The following LRRC1 variants were observed in gnomAD, a reference collection of about 807,000 sequenced individuals.
LRRC1 encodes leucine-rich repeat-containing protein 1.
LRRC1 carries 28 observed loss-of-function variants against 69.9 expected under a neutral mutation model. The observed-to-expected ratio is 0.40, with a 90% confidence interval of 0.30 to 0.55. The LOEUF (loss-of-function observed/expected upper bound fraction) is 0.55, where lower values mean the gene tolerates loss of function less well. Among genes scored for constraint, LRRC1 ranks in the 20% least tolerant of loss-of-function variants. The probability of loss-of-function intolerance (pLI) is 0.47; values close to 1 mark genes in which losing one functional copy is unlikely to be tolerated. For synonymous variants in LRRC1, 236 were observed against 240.2 expected (o/e 0.98, Z 0.16); for missense variants, 498 against 609.0 (o/e 0.82, Z 1.92).
intron 1 of LRRC1, among the ~76,000 whole-genome samples, chr6:53,811,199 T>C (rs560580438): frequency 6.6e-6 from 1 of 152,344 alleles, no homozygotes; most frequent in African/African-American, 2.4e-5. Flanking sequence ...TAGTGAGTTA[T>C]TCTGAGGGCC....
intron 1 of LRRC1, among the ~76,000 whole-genome samples, chr6:53,805,010 C>A (rs753392985): frequency 2.0e-5 from 3 of 152,122 alleles, no homozygotes; most frequent in Non-Finnish European, 4.4e-5. Context: ...GAAAAATAGG[C>A]CTAGAGGCTG....
chr6:53,908,703 G>C (rs539146400), intron 10 of LRRC1, among the ~76,000 whole-genome samples: 2 of 152,080 alleles, frequency 1.3e-5, no homozygotes, highest in Non-Finnish European at 2.9e-5. Flanking sequence ...TTCTTGAAAG[G>C]GGGCAGGGAG....
intron 3 of LRRC1, 107 bp downstream of exon 3, chr6:53,879,178 C>CA (rs1767178492): frequency 1.5e-6 from 1 of 685,296 alleles, no homozygotes. Flanking sequence ...CTAGATGGAT[C>CA]ACTGTCTTTA....
chr6:53,914,872 A>ATT (rs1768518227), intron 11 of LRRC1, among the ~76,000 whole-genome samples: 1 of 152,192 alleles, frequency 6.6e-6, no homozygotes, highest in Non-Finnish European at 1.5e-5. Flanking sequence ...TCATATGGGT[A>ATT]ACCCTACTAA....
At position 53,922,840 on chromosome 6, in the gene LRRC1, G is replaced by A. The variant is rs41273890; in HGVS notation, c.*47G>A. The A allele has an allele frequency of 6.3e-7, 1 of 1,582,246 alleles. No individual in the cohort carries two copies. Among genetic ancestry groups the A allele is most frequent in the East Asian group, 2.2e-5 (1 of 44,564 alleles). On this transcript the variant is annotated 3_prime_UTR_variant, in exon 14 of 14. Coordinates refer to ENST00000370888, the MANE Select transcript of LRRC1 (RefSeq NM_018214.5). ...CTCCTGTGTCTTCCTCTGCTGTCGA[G>A]ACGTTCCTGTCTGCTTCCCGGGAGC...
intron 1 of LRRC1, among the ~76,000 whole-genome samples, chr6:53,809,133 C>T (rs1019007662): frequency 6.6e-6 from 1 of 152,188 alleles, no homozygotes; most frequent in Non-Finnish European, 1.5e-5. Flanking sequence ...TAAGTCTGCT[C>T]ATAATTATTC....
intron 2 of LRRC1, among the ~76,000 whole-genome samples, chr6:53,873,831 A>T (rs1007821401): frequency 1.3e-5 from 2 of 152,160 alleles, no homozygotes; most frequent in Non-Finnish European, 2.9e-5. Flanking sequence ...AGATCTTACG[A>T]AAAAAGCTTT....
intron 2 of LRRC1, among the ~76,000 whole-genome samples, chr6:53,849,840 C>G (rs543938687): frequency 1.3e-5 from 2 of 151,936 alleles, no homozygotes; most frequent in Admixed American, 6.6e-5. Context: ...GACTGTTGTC[C>G]CAGCTACTTG....
At chr6:53,802,186 A>G (rs1172829473) in intron 1 of LRRC1, among the ~76,000 whole-genome samples, 1 of 152,176 alleles carries the variant, frequency 6.6e-6, no homozygotes, top group Non-Finnish European at 1.5e-5. Flanking sequence ...GCCTCAGGGA[A>G]GGTGTCTATG....
intron 1 of LRRC1, among the ~76,000 whole-genome samples, chr6:53,810,598 C>T (rs1353466519): frequency 2.0e-5 from 3 of 151,158 alleles, no homozygotes; most frequent in Non-Finnish European, 2.9e-5. Flanking sequence ...CCAGCCTGGG[C>T]GACAGAGCGA....
chr6:53,902,811 T>G (rs1221579973), intron 9 of LRRC1, 64 bp downstream of exon 9: 4 of 1,002,936 alleles, frequency 4.0e-6, no homozygotes, highest in Non-Finnish European at 5.9e-6. Flanking sequence ...AATTTGTAAT[T>G]TGAGTGGACT....
chr6:53,894,963 G>C (rs1449027928), intron 4 of LRRC1, among the ~76,000 whole-genome samples: 1 of 148,568 alleles, frequency 6.7e-6, no homozygotes, highest in Admixed American at 6.7e-5. Context: ...ATGGAGTCTC[G>C]CTCTGTCGCC....
chr6:53,891,907 G>A (rs918404595), intron 4 of LRRC1, among the ~76,000 whole-genome samples: 2 of 151,480 alleles, frequency 1.3e-5, no homozygotes, highest in Non-Finnish European at 2.9e-5. Context: ...CAGGAGAATC[G>A]CTTGAACCCA....
chr6:53,916,886 G>T (rs967165242), intron 11 of LRRC1, among the ~76,000 whole-genome samples: 1 of 152,164 alleles, frequency 6.6e-6, no homozygotes, highest in Admixed American at 6.5e-5. Context: ...GGACATAACT[G>T]GAGACAAGAG....
At chr6:53,905,605 T>G (rs1031020168) in intron 10 of LRRC1, among the ~76,000 whole-genome samples, 1 of 152,112 alleles carries the variant, frequency 6.6e-6, no homozygotes, top group African/African-American at 2.4e-5. Flanking sequence ...TTGGTGTAAT[T>G]TCAAAGCTGC....
At chr6:53,900,228 G>A (rs995663663) in intron 8 of LRRC1, among the ~76,000 whole-genome samples, 3 of 151,726 alleles carry the variant, frequency 2.0e-5, no homozygotes, top group South Asian at 2.1e-4. Context: ...TAGTAGAGAC[G>A]GGGTTTCACC....
At chr6:53,921,518 A>C (rs1238299411) in intron 13 of LRRC1, among the ~76,000 whole-genome samples, 1 of 152,180 alleles carries the variant, frequency 6.6e-6, no homozygotes, top group Admixed American at 6.5e-5. Context: ...TAGTTGGATT[A>C]GTTAACAAGT....
At chr6:53,900,602 C>T (rs368136707) in intron 8 of LRRC1, among the ~76,000 whole-genome samples, 3 of 152,284 alleles carry the variant, frequency 2.0e-5, no homozygotes, top group Admixed American at 6.5e-5. Flanking sequence ...AAATGACTGA[C>T]TTATTCCATG....
At position 53,899,651 on chromosome 6, in the gene LRRC1, C is replaced by A. The variant is rs183542205; in HGVS notation, c.643-96C>A. 9.0e-6 allele frequency: 11 copies of A among 1,226,228 alleles called. No individual in the cohort carries two copies. The South Asian group carries it at 1.2e-4, about 14-fold the overall frequency. The allele number at this position is 1,226,228 out of a possible 1,614,324, so 76.0% of individuals were successfully genotyped here. A position where few individuals can be genotyped will look rare whatever the true frequency, so the allele number is the denominator to read the frequency against. The stretch of plus-strand genomic sequence containing the variant: ...ATGCTAAAGATAACATCCTTAGGAC[C>A]GCCCTGGGATTTAATTGTGAAAAAT... On this transcript the variant is annotated intron_variant, in intron 7 of 13. Coordinates refer to ENST00000370888, the MANE Select transcript of LRRC1 (RefSeq NM_018214.5).
Sources: gnomAD v4.1 joint callset for allele counts (sites outside exome capture counted in the v4.1 genomes callset) on GRCh38, gnomAD v4.1.1 for gene constraint, MANE v1.5 for transcripts, NCBI Gene and HGNC (gene_info 2026-07-23, HGNC 2026-07-21) for gene names.